The following PDZRN4 variants were observed in gnomAD, a reference collection of about 807,000 sequenced individuals.
PDZRN4 encodes PDZ domain-containing RING finger protein 4.
A neutral mutation model predicts 99.0 loss-of-function variants in PDZRN4; 70 were observed. That is an observed-to-expected ratio of 0.71 (90% CI 0.58 to 0.86). The LOEUF is 0.86. Among genes scored for constraint, PDZRN4 ranks in the 40% least tolerant of loss-of-function variants. The pLI is 0.00. For missense variants in PDZRN4, 1,474 were observed against 1,331.2 expected, an observed-to-expected ratio of 1.11 and a Z score of -1.67; for synonymous variants, 551 against 501.6, an observed-to-expected ratio of 1.10 and a Z score of -1.32.
intron 3 of PDZRN4, among the ~76,000 whole-genome samples, chr12:41,493,979 A>G (rs1165334703): frequency 1.3e-5 from 2 of 152,062 alleles, no homozygotes; most frequent in East Asian, 1.9e-4. Flanking sequence ...ATACATTATT[A>G]TACATTTTTG....
intron 3 of PDZRN4, among the ~76,000 whole-genome samples, chr12:41,418,508 A>G (rs898324633): frequency 2.0e-5 from 3 of 152,186 alleles, no homozygotes; most frequent in Non-Finnish European, 4.4e-5. Flanking sequence ...AGAAAATCTG[A>G]ACTTAAAAAA....
At chr12:41,422,167 T>A (rs1952495408) in intron 3 of PDZRN4, among the ~76,000 whole-genome samples, 2 of 152,198 alleles carry the variant, frequency 1.3e-5, no homozygotes, top group African/African-American at 4.8e-5. Flanking sequence ...CCATATCATA[T>A]GCTATACCTA....
At chr12:41,366,071 C>A (rs774113494) in intron 3 of PDZRN4, among the ~76,000 whole-genome samples, 1 of 152,128 alleles carries the variant, frequency 6.6e-6, no homozygotes, top group Non-Finnish European at 1.5e-5. Context: ...ATTGCTAATA[C>A]TATTGGATGA....
At chr12:41,316,284 G>A (rs77562721) in intron 3 of PDZRN4, among the ~76,000 whole-genome samples, 7,186 of 152,042 alleles carry the variant, frequency 0.047, 576 homozygotes, top group African/African-American at 0.16. Context: ...AGAGGAAAGC[G>A]TATGTTAAAA....
At chr12:41,233,609 T>TA (rs570440903) in intron 3 of PDZRN4, among the ~76,000 whole-genome samples, 4 of 152,060 alleles carry the variant, frequency 2.6e-5, no homozygotes, top group African/African-American at 7.2e-5. Context: ...TATGCAGCCA[T>TA]AAAAAATGAT....
intron 3 of PDZRN4, among the ~76,000 whole-genome samples, chr12:41,482,007 C>T (rs1255350106): frequency 6.6e-6 from 1 of 152,048 alleles, no homozygotes; most frequent in Non-Finnish European, 1.5e-5. Context: ...AACTAACATA[C>T]CCCACGAAAA....
At chr12:41,454,540 G>T (rs551465481) in intron 3 of PDZRN4, among the ~76,000 whole-genome samples, 1 of 152,350 alleles carries the variant, frequency 6.6e-6, no homozygotes, top group African/African-American at 2.4e-5. Flanking sequence ...TGAATACCCA[G>T]GGATCTTTGG....
intron 3 of PDZRN4, among the ~76,000 whole-genome samples, chr12:41,389,291 A>G (rs1952193157): frequency 6.6e-6 from 1 of 152,184 alleles, no homozygotes; most frequent in South Asian, 2.1e-4. Flanking sequence ...ATTTAAATTA[A>G]TATTTAAAAT....
intron 3 of PDZRN4, among the ~76,000 whole-genome samples, chr12:41,441,865 C>T (rs748539336): frequency 6.6e-6 from 1 of 152,156 alleles, no homozygotes; most frequent in Non-Finnish European, 1.5e-5. Flanking sequence ...GCCTTCTCCA[C>T]TCACACAGTG....
At chr12:41,332,514 G>A (rs373350128) in intron 3 of PDZRN4, among the ~76,000 whole-genome samples, 5 of 152,082 alleles carry the variant, frequency 3.3e-5, no homozygotes, top group South Asian at 2.1e-4. Flanking sequence ...TCAGGAGAAA[G>A]GATATGGGAG....
At position 41,572,504 on chromosome 12, in the gene PDZRN4, G is replaced by A. The variant is rs12298745; in HGVS notation, c.1725G>A (p.Glu575=). ...DESSEQENAA[E]DPNSTSLKSK... is the part of the protein sequence containing the mutation. ...GCTCAGAGCAGGAGAATGCAGCCGA[G>A]GACCCCAATAGCACATCTTTGAAGA... Residue 575 remains glutamate (E), a synonymous_variant, in exon 10 of 10, where the codon GAG becomes GAA. Coordinates refer to ENST00000402685, the MANE Select transcript of PDZRN4 (RefSeq NM_001164595.2). 232,787 of 1,613,804 alleles carry A rather than the reference G, an allele frequency of 0.14. 18,310 individuals are homozygous for A. Among genetic ancestry groups the A allele is most frequent in the South Asian group, 0.27 (24,914 of 91,060 alleles).
rs1952141305 is a variant in PDZRN4, at chr12:41,383,476, C to A, written c.844-122980C>A. On this transcript the variant is annotated intron_variant, in intron 3 of 9. Transcript: ENST00000402685. ...ATGTTTTAGAATACATTCATAAGCA[C>A]CAAGTCATACTGAGTTTTCATGATT... is the stretch of plus-strand genomic sequence containing the variant. 2.0e-5 allele frequency among the ~76,000 whole-genome samples: 3 copies of A among 152,182 alleles called. No homozygotes were observed. In the South Asian group the frequency reaches 6.2e-4, roughly 32 times the overall value.
At chr12:41,239,126 T>A (rs1480543946) in intron 3 of PDZRN4, among the ~76,000 whole-genome samples, 1 of 152,190 alleles carries the variant, frequency 6.6e-6, no homozygotes, top group Non-Finnish European at 1.5e-5. Flanking sequence ...TGGAATAGTA[T>A]GCAGCCATAA....
chr12:41,388,549 AT>A (rs1170877612), intron 3 of PDZRN4, among the ~76,000 whole-genome samples: 1 of 152,138 alleles, frequency 6.6e-6, no homozygotes, highest in Non-Finnish European at 1.5e-5. Context: ...TTCTAATTTG[AT>A]TGCTGTTTTG....
At position 41,573,303 on chromosome 12, in the gene PDZRN4, A is replaced by T. The variant is rs781546960; in HGVS notation, c.2524A>T (p.Asn842Tyr). The change falls in exon 10 of 10, where the codon AAC becomes TAC. Residue 842 changes from asparagine (N) to tyrosine (Y), a missense_variant. Transcript: ENST00000402685. ...PYHSSSYRYA[N>Y]IPAHARHYQS... Reference sequence around the variant, plus strand: ...CCACAGCTCCTCATATAGATATGCAAACATCCCAGCACACGCCCGGCATTA... The same window carrying T: ...CCACAGCTCCTCATATAGATATGCATACATCCCAGCACACGCCCGGCATTA... 24 of 1,613,564 alleles carry T rather than the reference A, an allele frequency of 1.5e-5. 1 individual carries two copies. In the South Asian group the frequency reaches 2.4e-4, roughly 16 times the overall value.
At chr12:41,194,332 T>C (rs1483213565) in intron 3 of PDZRN4, 144 bp downstream of exon 3, 1 of 620,228 alleles carries the variant, frequency 1.6e-6, no homozygotes, top group Non-Finnish European at 2.8e-6. Flanking sequence ...ATTTTTACTT[T>C]CTTACAAAAA....
chr12:41,435,660 C>T (rs1952623112), intron 3 of PDZRN4, among the ~76,000 whole-genome samples: 1 of 152,080 alleles, frequency 6.6e-6, no homozygotes. Flanking sequence ...TGGTGGCACA[C>T]ACCTGTAATC....
intron 5 of PDZRN4, among the ~76,000 whole-genome samples, chr12:41,544,025 G>A (rs774532104): frequency 1.4e-4 from 22 of 152,192 alleles, no homozygotes; most frequent in Non-Finnish European, 2.9e-4. Flanking sequence ...AGATGGACCA[G>A]AAATAACTAC....
chr12:41,354,167 A>C (rs1426644773), intron 3 of PDZRN4, among the ~76,000 whole-genome samples: 1 of 152,144 alleles, frequency 6.6e-6, no homozygotes, highest in Non-Finnish European at 1.5e-5. Flanking sequence ...TTGAGCACAG[A>C]TTAGAGAAGT....
Sources: allele counts gnomAD v4.1 joint callset (sites outside exome capture counted in the v4.1 genomes callset), GRCh38; gene constraint gnomAD v4.1.1; transcripts MANE v1.5; gene names NCBI Gene and HGNC (gene_info 2026-07-23, HGNC 2026-07-21).